SEMA4D: variants seen among roughly 807,000 people sequenced by gnomAD.
The protein encoded by SEMA4D is semaphorin 4D, also known as semaphorin-4D.
A neutral mutation model predicts 74.8 loss-of-function variants in SEMA4D; 22 were observed. That is an observed-to-expected ratio of 0.29 (90% CI 0.21 to 0.42). The LOEUF (loss-of-function observed/expected upper bound fraction) is 0.42. Among genes scored for constraint, SEMA4D ranks in the 10% least tolerant of loss-of-function variants. SEMA4D has a pLI of 1.00. For synonymous variants in SEMA4D, 445 were observed against 463.7 expected (o/e 0.96, Z 0.52); for missense variants, 937 against 1,118.4 (o/e 0.84, Z 2.31).
chr9:89,488,522 A>C (rs1020192078), intron 1 of SEMA4D, among the ~76,000 whole-genome samples: 5 of 151,880 alleles, frequency 3.3e-5, no homozygotes, highest in Admixed American at 1.3e-4. Flanking sequence ...ACATACGTGC[A>C]CCATCACATC....
At chr9:89,434,496 G>A (rs757303102) in intron 2 of SEMA4D, among the ~76,000 whole-genome samples, 3 of 152,012 alleles carry the variant, frequency 2.0e-5, no homozygotes, top group South Asian at 2.1e-4. Flanking sequence ...AGTTTAATTC[G>A]CAGGCCCTAG....
intron 6 of SEMA4D, among the ~76,000 whole-genome samples, chr9:89,395,295 C>A (rs965733854): frequency 1.3e-5 from 2 of 152,004 alleles, no homozygotes; most frequent in African/African-American, 4.8e-5. Flanking sequence ...CGTGGTGGCA[C>A]ATGCCTGTAA....
intron 8 of SEMA4D, 134 bp from the exon 9 acceptor site, chr9:89,391,549 T>C (rs1369253954): frequency 2.5e-6 from 2 of 797,274 alleles, no homozygotes; most frequent in African/African-American, 1.7e-5. Flanking sequence ...AGTGTGCACA[T>C]GCCACAATCC....
At chr9:89,415,145 C>T (rs13301844) in intron 2 of SEMA4D, among the ~76,000 whole-genome samples, 23,508 of 152,252 alleles carry the variant, frequency 0.15, 2,385 homozygotes, top group Non-Finnish European at 0.22. Context: ...CATCACTCTA[C>T]TCTTCAGACT....
intron 2 of SEMA4D, among the ~76,000 whole-genome samples, chr9:89,435,383 A>T (rs1164287723): frequency 6.6e-6 from 1 of 152,164 alleles, no homozygotes; most frequent in Non-Finnish European, 1.5e-5. Context: ...CCCCATTCCT[A>T]TGTAAATTCT....
chr9:89,378,572 G>T lies in SEMA4D; in HGVS notation c.*132C>A. ...CCAAGAGAAAATAGACAAGAGGACT[G>T]AGGTTGTCTGCACGATGCGGGCTAA... is the stretch of plus-strand genomic sequence containing the variant. On this transcript the variant is annotated 3_prime_UTR_variant, in exon 16 of 16. Coordinates refer to ENST00000422704, the MANE Select transcript of SEMA4D (RefSeq NM_001371194.2). 1 of 644,190 alleles carries T rather than the reference G, an allele frequency of 1.6e-6. No individual in the cohort carries two copies. Among genetic ancestry groups the T allele is most frequent in the Non-Finnish European group, 2.7e-6 (1 of 368,518 alleles). The allele number at this position is 644,190 out of a possible 1,614,324, so 39.9% of individuals were successfully genotyped here.
chr9:89,376,096 C>A (rs2063012302), downstream of SEMA4D, among the ~76,000 whole-genome samples: 1 of 152,226 alleles, frequency 6.6e-6, no homozygotes, highest in Admixed American at 6.5e-5. Flanking sequence ...CCTTGGCCTC[C>A]CAAAGCAGGG....
At position 89,430,346 on chromosome 9, in the gene SEMA4D, A is replaced by C. The variant is rs532257827; in HGVS notation, c.-243-24647T>G. 3.9e-5 allele frequency among the ~76,000 whole-genome samples: 6 copies of C among 152,216 alleles called. No homozygotes were observed. In the South Asian group the frequency reaches 1.2e-3, roughly 32 times the overall value. On this transcript the variant is annotated intron_variant, in intron 2 of 15. Transcript: ENST00000422704. ...GTGTCAAGGGGCCTGGACCCCACTTACTGGGTGAGTTAGATGCCCTCCAAG... is the reference window on the plus strand; with the variant it reads ...GTGTCAAGGGGCCTGGACCCCACTTCCTGGGTGAGTTAGATGCCCTCCAAG...
At chr9:89,491,192 C>T (rs1477221476) in intron 1 of SEMA4D, among the ~76,000 whole-genome samples, 1 of 152,252 alleles carries the variant, frequency 6.6e-6, no homozygotes, top group Non-Finnish European at 1.5e-5. Flanking sequence ...CCGCTACTTT[C>T]TCCCCATGGG....
In SEMA4D at chr9:89,405,442, G is replaced by A. The variant is rs1843137418; in HGVS notation, c.15C>T (p.Thr5=). 8 of 1,613,746 alleles carry A rather than the reference G, an allele frequency of 5.0e-6. No individual in the cohort carries two copies. The highest frequency in any genetic ancestry group is 1.7e-5 in the Admixed American group (1 of 60,018). The change falls in exon 3 of 16, where the codon ACC becomes ACT. Residue 5 remains threonine (T), a synonymous_variant. Coordinates refer to ENST00000422704, the MANE Select transcript of SEMA4D (RefSeq NM_001371194.2). Reference sequence around the variant, plus strand: ...GGGCCATGAGCAGCCCCCTAATGGGGGTGCACATCCTCATCAGGTAGAGGC... The same window carrying A: ...GGGCCATGAGCAGCCCCCTAATGGGAGTGCACATCCTCATCAGGTAGAGGC... MRMC[T]PIRGLLMALA...
exon 18 of SEMA4D, chr9:89,363,473 G>A (rs1345639668): frequency 6.2e-7 from 1 of 1,614,008 alleles, no homozygotes; most frequent in Non-Finnish European, 8.5e-7. Flanking sequence ...GTGCTCCCCA[G>A]CCACAGCCCT....
intron 2 of SEMA4D, among the ~76,000 whole-genome samples, chr9:89,443,499 C>T (rs531858843): frequency 6.6e-6 from 1 of 152,374 alleles, no homozygotes; most frequent in Admixed American, 6.5e-5. Context: ...CAGTAAAGCA[C>T]AGCGTGGACT....
intron 2 of SEMA4D, among the ~76,000 whole-genome samples, chr9:89,428,963 A>T (rs1046152867): frequency 1.3e-5 from 2 of 152,166 alleles, no homozygotes; most frequent in African/African-American, 4.8e-5. Flanking sequence ...ACTGCTCCAG[A>T]GGTCCAGAAG....
At chr9:89,445,906 G>A (rs1256137683) in intron 2 of SEMA4D, among the ~76,000 whole-genome samples, 1 of 152,060 alleles carries the variant, frequency 6.6e-6, no homozygotes, top group Non-Finnish European at 1.5e-5. Context: ...GTCTCTGCAG[G>A]CTCAGCTGGA....
rs750559693 is a variant in SEMA4D, at chr9:89,391,331, G to A, written c.707C>T (p.Thr236Met). The stretch of plus-strand genomic sequence containing the variant: ...AAACTCATACTCCACAGACACCTCC[G>A]TGAAGAAGAAGTAGACCCTGTCATC... ...GEDDRVYFFF[T>M]EVSVEYEFVF... is the part of the protein sequence containing the mutation. The change falls in exon 9 of 16, where the codon ACG (threonine) becomes ATG (methionine). Residue 236 changes from threonine (T) to methionine (M), a missense_variant. Coordinates refer to ENST00000422704, the MANE Select transcript of SEMA4D (RefSeq NM_001371194.2). The A allele has an allele frequency of 2.0e-5, 32 of 1,614,102 alleles. No homozygotes were observed. Among genetic ancestry groups the A allele is most frequent in the Non-Finnish European group, 2.5e-5 (30 of 1,180,030 alleles).
chr9:89,434,942 T>C (rs1468107827), intron 2 of SEMA4D, among the ~76,000 whole-genome samples: 1 of 152,234 alleles, frequency 6.6e-6, no homozygotes, highest in African/African-American at 2.4e-5. Context: ...CTTGATTTTT[T>C]TCTCCTGAAA....
chr9:89,477,960 A>G (rs946146770), intron 1 of SEMA4D, among the ~76,000 whole-genome samples: 2 of 152,238 alleles, frequency 1.3e-5, no homozygotes, highest in Non-Finnish European at 2.9e-5. Context: ...CTGAGTCAAC[A>G]TGAAGTTATT....
chr9:89,362,901 G>T (rs938779915), intron 18 of SEMA4D, among the ~76,000 whole-genome samples: 1 of 152,192 alleles, frequency 6.6e-6, no homozygotes, highest in Non-Finnish European at 1.5e-5. Context: ...CTTTGTCTCC[G>T]TGGGGAGACA....
intron 6 of SEMA4D, among the ~76,000 whole-genome samples, 186 bp from the exon 7 acceptor site, chr9:89,393,841 T>C (rs1264336455): frequency 6.6e-6 from 1 of 152,280 alleles, no homozygotes; most frequent in Non-Finnish European, 1.5e-5. Flanking sequence ...AGCTCAGGTC[T>C]AGACATCAGC....
Sources: allele counts gnomAD v4.1 joint callset (sites outside exome capture counted in the v4.1 genomes callset), GRCh38; gene constraint gnomAD v4.1.1; transcripts MANE v1.5; gene names NCBI Gene and HGNC (gene_info 2026-07-23, HGNC 2026-07-21).